AP3D1: variants seen among roughly 807,000 people sequenced by gnomAD.
AP3D1 encodes the protein AP-3 complex subunit delta-1.
Under a neutral mutation model 147.6 loss-of-function variants are expected in AP3D1, and 51 were observed. The observed-to-expected ratio is 0.35, with a 90% CI of 0.28 to 0.44. The LOEUF (loss-of-function observed/expected upper bound fraction) is 0.44. Ranked by LOEUF, AP3D1 falls within the 20% of genes least tolerant of loss-of-function variation. The pLI, the probability that AP3D1 is intolerant of heterozygous loss-of-function variation, is 1.00. For synonymous variants in AP3D1, 760 were observed against 663.0 expected (o/e 1.15, Z -2.25); for missense variants, 1,421 against 1,624.2 (o/e 0.87, Z 2.15).
At chr19:2,131,748 C>T (rs1254691541) in intron 5 of AP3D1, among the ~76,000 whole-genome samples, 2 of 130,548 alleles carry the variant, frequency 1.5e-5, no homozygotes, top group Non-Finnish European at 3.2e-5. Flanking sequence ...CCATCGGCCA[C>T]GATCTAGACA....
At chr19:2,123,528 A>C in intron 10 of AP3D1, 122 bp from the exon 11 acceptor site, 1 of 1,016,426 alleles carries the variant, frequency 9.8e-7, no homozygotes, top group African/African-American at 1.6e-5. Context: ...CCCACCAATC[A>C]AAGCCCAGGA....
chr19:2,159,902 G>A (rs1301442977), intron 1 of AP3D1, among the ~76,000 whole-genome samples: 2 of 151,888 alleles, frequency 1.3e-5, no homozygotes, highest in African/African-American at 4.8e-5. Flanking sequence ...ATTTTTAGTA[G>A]AGACGGGGTT....
intron 1 of AP3D1, among the ~76,000 whole-genome samples, chr19:2,144,276 C>T (rs1300448764): frequency 6.6e-6 from 1 of 152,204 alleles, no homozygotes; most frequent in Non-Finnish European, 1.5e-5. Context: ...CTGCGGAGCG[C>T]TCTGCTCTTT....
chr19:2,109,054 C>T (rs1007977379), intron 30 of AP3D1, 32 bp downstream of exon 30: 21 of 1,604,406 alleles, frequency 1.3e-5, no homozygotes, highest in East Asian at 2.2e-5. Flanking sequence ...GTGAAAGCCC[C>T]GTGCAATCCA....
rs1311716273 is a variant in AP3D1 at position 2,110,193 on chromosome 19, G to T, written c.3207C>A (p.Thr1069=). The T allele has an allele frequency of 4.3e-6, 7 of 1,612,724 alleles. No individual in the cohort carries two copies. The highest frequency in any genetic ancestry group is 5.9e-6 in the Non-Finnish European group (7 of 1,179,990). ...TCTGCGCCATGACGATGCTCTGGAT[G>T]GTGAACACATACTGGGCTTCGTTGG... ...GVSNEAQYVF[T]IQSIVMAQKL... is the part of the protein sequence containing the mutation. Residue 1069 remains threonine, a synonymous_variant, in exon 28 of 32, where the codon ACC becomes ACA. Coordinates refer to ENST00000643116, the MANE Select transcript of AP3D1 (RefSeq NM_001261826.3).
At chr19:2,104,666 GTTT>G (rs967229513) in intron 31 of AP3D1, among the ~76,000 whole-genome samples, 3 of 113,458 alleles carry the variant, frequency 2.6e-5, no homozygotes, top group East Asian at 2.6e-4. Flanking sequence ...TCTGACACAA[GTTT>G]TTTTTTTTTT....
At chr19:2,111,052 T>C in intron 26 of AP3D1, 156 bp from the exon 27 acceptor site, 1 of 945,976 alleles carries the variant, frequency 1.1e-6, no homozygotes, top group Non-Finnish European at 1.6e-6. Flanking sequence ...AAGCGCCTCC[T>C]ATGGCTGCTC....
chr19:2,110,925 C>A (rs748019491), intron 26 of AP3D1, 29 bp from the exon 27 acceptor site: 9 of 1,593,910 alleles, frequency 5.6e-6, no homozygotes, highest in Non-Finnish European at 6.9e-6. Context: ...GTTAGCAGGG[C>A]AGGCGGGCCC....
At chr19:2,105,197 T>C (rs2018076464) in intron 31 of AP3D1, among the ~76,000 whole-genome samples, 1 of 152,102 alleles carries the variant, frequency 6.6e-6, no homozygotes, top group Non-Finnish European at 1.5e-5. Flanking sequence ...CTCTGGGGCG[T>C]GAGGGGCAGC....
In AP3D1 at chr19:2,137,653, A is replaced by T. The variant is rs935343549; in HGVS notation, c.273+74T>A. 1.4e-5 allele frequency: 17 copies of T among 1,224,512 alleles called. No individual in the cohort carries two copies. In the East Asian group the frequency reaches 1.6e-4, roughly 12 times the overall value. 75.9% of individuals were successfully genotyped at this position (1,224,512 alleles called of 1,614,324 possible). A position where few individuals can be genotyped will look rare whatever the true frequency, so the allele number is the denominator to read the frequency against. ...TCTGTCTCAAGAATAATAATAATAAAAATTGGCCAGTCACGGTGCCTCACA... is the reference window on the plus strand; with the variant it reads ...TCTGTCTCAAGAATAATAATAATAATAATTGGCCAGTCACGGTGCCTCACA... On this transcript the variant is annotated intron_variant, in intron 3 of 31. Coordinates refer to ENST00000643116, the MANE Select transcript of AP3D1 (RefSeq NM_001261826.3).
rs558637715 is a variant in AP3D1 at position 2,144,010 on chromosome 19, C to T, written c.97-5296G>A. 1.1e-4 allele frequency among the ~76,000 whole-genome samples: 17 copies of T among 150,710 alleles called. No homozygotes were observed. In the East Asian group the frequency reaches 2.9e-3, roughly 26 times the overall value. On this transcript the variant is annotated intron_variant, in intron 1 of 31. Transcript: ENST00000643116. The stretch of plus-strand genomic sequence containing the variant: ...CTGAGGCAAGAGAATCGCTTGCACC[C>T]GGGAGGCAGACGTTGCGGTGAGCCG...
At position 2,111,717 on chromosome 19, in the gene AP3D1, G is replaced by A. The variant is rs751622663; in HGVS notation, c.2899C>T (p.Pro967Ser). ...TCCTCTGGCGCGCCATTCTGCACCG[G>A]CTCCCCCGCTGCCTCCTCGCTGCCT... ...PPGSEEAAGEPVQNGAPEEEQ... is the reference protein window; with the variant it reads ...PPGSEEAAGESVQNGAPEEEQ... Residue 967 changes from proline (P) to serine (S), a missense_variant, in exon 25 of 32, where the codon CCG (proline) becomes TCG (serine). Transcript: ENST00000643116. 1.0e-5 allele frequency: 16 copies of A among 1,602,034 alleles called. 1 individual carries two copies. In the South Asian group the frequency reaches 1.7e-4, roughly 17 times the overall value.
chr19:2,124,902 G>C (rs1462470549), intron 9 of AP3D1, among the ~76,000 whole-genome samples: 1 of 152,176 alleles, frequency 6.6e-6, no homozygotes, highest in African/African-American at 2.4e-5. Context: ...TTGTGCCATT[G>C]AACTCCAGCC....
intron 1 of AP3D1, among the ~76,000 whole-genome samples, chr19:2,162,452 G>C (rs1045060504): frequency 2.0e-5 from 3 of 150,592 alleles, no homozygotes; most frequent in East Asian, 4.1e-4. Flanking sequence ...TTTGAGATTA[G>C]GAGTTAGAGA....
At chr19:2,139,104 A>G (rs923933524) in intron 1 of AP3D1, among the ~76,000 whole-genome samples, 4 of 151,352 alleles carry the variant, frequency 2.6e-5, no homozygotes, top group Admixed American at 6.6e-5. Context: ...AGCCAGGCAT[A>G]AGAGAGAGCA....
intron 11 of AP3D1, among the ~76,000 whole-genome samples, chr19:2,122,912 G>A (rs1300962378): frequency 6.6e-6 from 1 of 152,234 alleles, no homozygotes; most frequent in Admixed American, 6.5e-5. Context: ...CCTCAACAGA[G>A]CAGCACGGGG....
At position 2,114,172 on chromosome 19, in the gene AP3D1, T is replaced by C; in HGVS notation, c.2554A>G (p.Lys852Glu). The C allele has an allele frequency of 1.3e-6, 2 of 1,590,732 alleles. No homozygotes were observed. Among genetic ancestry groups the C allele is most frequent in the South Asian group, 1.1e-5 (1 of 88,218 alleles). ...TTCTCCTTGTCTCTCTCTTTCTCTT[T>C]GTGTTTTTTCTCTTTCTTCTTGGGT... ...KKPKKKEKKHKEKERDKEKKK... is the reference protein window; with the variant it reads ...KKPKKKEKKHEEKERDKEKKK... The change falls in exon 22 of 32, where the codon AAA becomes GAA. Residue 852 changes from lysine (K) to glutamate (E), a missense_variant. Lys to Glu is a moderately conservative substitution (Grantham distance 56). Coordinates refer to ENST00000643116, the MANE Select transcript of AP3D1 (RefSeq NM_001261826.3).
chr19:2,161,629 A>G (rs536051954), intron 1 of AP3D1, among the ~76,000 whole-genome samples: 5 of 152,256 alleles, frequency 3.3e-5, no homozygotes, highest in Admixed American at 3.3e-4. Context: ...CATGCAGACC[A>G]AAGAGGAGTC....
In AP3D1 at chr19:2,114,260, T is replaced by C. The variant is rs747327121; in HGVS notation, c.2466A>G (p.Arg822=). Residue 822 remains arginine (R), a synonymous_variant, in exon 22 of 32, where the codon AGA becomes AGG. Transcript: ENST00000643116. The stretch of plus-strand genomic sequence containing the variant: ...CAGGGGATTTTGAGGTCTCGGTGTT[T>C]CTGTGTTTCTGAATAGGCAGTTTCT... ...DSEKLPIQKH[R]NTETSKSPEK... is the part of the protein sequence containing the mutation. The C allele has an allele frequency of 1.9e-6, 3 of 1,612,788 alleles. No homozygotes were observed. Among genetic ancestry groups the C allele is most frequent in the Non-Finnish European group, 2.5e-6 (3 of 1,179,656 alleles).
Sources: gnomAD v4.1 joint callset for allele counts (sites outside exome capture counted in the v4.1 genomes callset) on GRCh38, gnomAD v4.1.1 for gene constraint, MANE v1.5 for transcripts, NCBI Gene and HGNC (gene_info 2026-07-23, HGNC 2026-07-21) for gene names.